PCF11: variants seen among roughly 807,000 people sequenced by gnomAD.
PCF11 encodes the protein PCF11 cleavage and polyadenylation factor subunit.
A neutral mutation model predicts 166.1 loss-of-function variants in PCF11; 19 were observed. The observed-to-expected ratio is 0.11, with a 90% CI of 0.08 to 0.17. PCF11 has a LOEUF of 0.17. PCF11 is among the 10% of genes least tolerant of loss of function. PCF11 has a pLI of 1.00. For missense variants in PCF11, 1,565 were observed against 1,855.5 expected (o/e 0.84, Z 2.88); for synonymous variants, 663 against 644.1 (o/e 1.03, Z -0.44).
At chr11:83,184,707 C>A in exon 16 of PCF11, 1 of 1,611,774 alleles carries the variant, frequency 6.2e-7, no homozygotes, top group Non-Finnish European at 8.5e-7. Flanking sequence ...ACACCATCTC[C>A]CAGCAAGACA....
At position 83,170,230 on chromosome 11, in the gene PCF11, C is replaced by A. The variant is rs75329612; in HGVS notation, c.3660+235C>A. ...ATCTAGGGAAATATCTCAATCAAAC[C>A]CCCACCTCCAGCTCTGTTTTTTCTT... On this transcript the variant is annotated intron_variant, in intron 8 of 15. Coordinates refer to ENST00000298281, the Ensembl canonical transcript of PCF11. 2.7e-3 allele frequency among the ~76,000 whole-genome samples: 415 copies of A among 152,196 alleles called. 1 individual carries two copies. The highest frequency in any genetic ancestry group is 9.5e-3 in the African/African-American group (396 of 41,536).
At chr11:83,169,589 C>T in exon 8 of PCF11, 1 of 1,613,918 alleles carries the variant, frequency 6.2e-7, no homozygotes, top group Non-Finnish European at 8.5e-7. Context: ...CAGGTTCAAC[C>T]CAGATTTGAC....
chr11:83,180,774 G>C (rs1197951805), intron 11 of PCF11: 4 of 315,002 alleles, frequency 1.3e-5, no homozygotes, highest in Non-Finnish European at 2.4e-5. Flanking sequence ...TAAATAACTG[G>C]GTCAGGGCTA....
chr11:83,168,779 G>T, exon 8 of PCF11: 1 of 1,613,896 alleles, frequency 6.2e-7, no homozygotes, highest in Non-Finnish European at 8.5e-7. Context: ...CAGCTAGGAG[G>T]TGGGTGTCCT....
At chr11:83,179,421 T>C (rs1475141701) in intron 11 of PCF11, among the ~76,000 whole-genome samples, 2 of 152,010 alleles carry the variant, frequency 1.3e-5, no homozygotes, top group Admixed American at 1.3e-4. Context: ...AGCTAATTTT[T>C]GTATTTTTAG....
chr11:83,166,822 C>A, intron 5 of PCF11, 108 bp downstream of exon 5: 1 of 913,846 alleles, frequency 1.1e-6, no homozygotes, highest in Non-Finnish European at 1.7e-6. Flanking sequence ...TACTTTTTTT[C>A]CATCTAATTC....
intron 11 of PCF11, 119 bp from the exon 12 acceptor site, chr11:83,180,889 T>G (rs1861063586): frequency 7.2e-6 from 4 of 557,288 alleles, no homozygotes; most frequent in Non-Finnish European, 1.3e-5. Flanking sequence ...ATTAACTGTT[T>G]CAGCCAGCTC....
chr11:83,166,345 G>C, exon 5 of PCF11: 1 of 1,613,858 alleles, frequency 6.2e-7, no homozygotes, highest in Non-Finnish European at 8.5e-7. Context: ...TCAAGATCTC[G>C]ATCACCCAAG....
At position 83,182,386 on chromosome 11, in the gene PCF11, G is replaced by T; in HGVS notation, c.4324-13G>T. The T allele has an allele frequency of 1.5e-6, 2 of 1,329,492 alleles. No homozygotes were observed. The highest frequency in any genetic ancestry group is 2.4e-5 in the South Asian group (2 of 81,984). The allele number at this position is 1,329,492 out of a possible 1,614,324, so 82.4% of individuals were successfully genotyped here. A position where few individuals can be genotyped will look rare whatever the true frequency, so the allele number is the denominator to read the frequency against. On this transcript the variant is annotated splice_polypyrimidine_tract_variant and intron_variant, in intron 13 of 15. Coordinates refer to ENST00000298281, the Ensembl canonical transcript of PCF11. ...CTATTATGTAAATTTCATTTTATATGATTCTATTTTAGAGTTGTGAAATCT... is the reference window on the plus strand; with the variant it reads ...CTATTATGTAAATTTCATTTTATATTATTCTATTTTAGAGTTGTGAAATCT...
intron 1 of PCF11, chr11:83,158,593 C>G (rs536634000): frequency 2.0e-5 from 3 of 152,298 alleles, no homozygotes; most frequent in South Asian, 4.1e-4. Context: ...AGTTACTGTT[C>G]AACTTAGTTA....
chr11:83,166,259 A>G lies in PCF11; in HGVS notation c.1362A>G (p.Val454=), dbSNP rs375754394. Residue 454 remains valine (V), a synonymous_variant, in exon 5 of 16, where the codon GTA becomes GTG. Coordinates refer to ENST00000298281, the Ensembl canonical transcript of PCF11. ...GAAATAAAATCATAAATGGCATTGT[A>G]CAAAAACAGGATACAATAACAGAAG... 79 of 1,613,482 alleles carry G rather than the reference A, an allele frequency of 4.9e-5. No homozygotes were observed. The African/African-American group carries it at 9.2e-4, about 19-fold the overall frequency.
exon 16 of PCF11, chr11:83,186,476 A>G (rs1861295855): frequency 6.6e-6 from 1 of 152,248 alleles, no homozygotes; most frequent in Non-Finnish European, 1.5e-5. Flanking sequence ...GGCTCAAGTG[A>G]TCCTACTGCC....
intron 1 of PCF11, 75 bp downstream of exon 1, chr11:83,157,706 G>C: frequency 1.5e-6 from 2 of 1,341,716 alleles, no homozygotes; most frequent in Non-Finnish European, 2.1e-6. Context: ...CCCAGGTCTC[G>C]CTTCCATCCC....
chr11:83,181,940 C>G (rs1861100566), exon 13 of PCF11: 3 of 1,612,394 alleles, frequency 1.9e-6, no homozygotes, highest in Admixed American at 1.7e-5. Context: ...AAGTTGTGCT[C>G]AAAACTCAAG....
At chr11:83,161,646 G>T (rs1469685963) in intron 2 of PCF11, among the ~76,000 whole-genome samples, 194 bp downstream of exon 2, 1 of 152,044 alleles carries the variant, frequency 6.6e-6, no homozygotes, top group Admixed American at 6.5e-5. Context: ...GATTCTAGGG[G>T]TTTACATTAT....
In PCF11 at chr11:83,160,321, G is replaced by GTTTTTTTTTTTTTTTTTTTTTT. The variant is rs35201107; in HGVS notation, c.193-1005_193-984dup. Among the ~76,000 whole-genome samples the GTTTTTTTTTTTTTTTTTTTTTT allele has an allele frequency of 9.9e-5, 9 of 91,266 alleles. 1 individual carries two copies. Among genetic ancestry groups the GTTTTTTTTTTTTTTTTTTTTTT allele is most frequent in the African/African-American group, 1.3e-4 (3 of 23,404 alleles). 59.9% of individuals were successfully genotyped at this position (91,266 alleles called of 152,430 possible). On this transcript the variant is annotated intron_variant, in intron 1 of 15. Coordinates refer to ENST00000298281, the Ensembl canonical transcript of PCF11. ...GGGTGGGTAAATGGGGATAACCTAA[G>GTTTTTTTTTTTTTTTTTTTTTT]TTTTTTTTTTTTTTTTTTTTTTGTC... is the stretch of plus-strand genomic sequence containing the variant.
chr11:83,181,256 T>G (rs1445305572), intron 12 of PCF11, 65 bp downstream of exon 12: 4 of 517,198 alleles, frequency 7.7e-6, no homozygotes, highest in Non-Finnish European at 8.9e-6. Flanking sequence ...AAAAGTATAT[T>G]AATTTTAATA....
chr11:83,170,116 C>A, intron 8 of PCF11, 121 bp downstream of exon 8: 1 of 804,930 alleles, frequency 1.2e-6, no homozygotes, highest in Non-Finnish European at 1.8e-6. Flanking sequence ...TTAATGTACT[C>A]TAAAGCCACA....
At chr11:83,180,940 T>C (rs1439601956) in intron 11 of PCF11, 68 bp from the exon 12 acceptor site, 41 of 823,640 alleles carry the variant, frequency 5.0e-5, no homozygotes, top group Non-Finnish European at 7.3e-5. Flanking sequence ...TTGAAATATT[T>C]GTAATTGGCT....
Sources: allele counts gnomAD v4.1 joint callset (sites outside exome capture counted in the v4.1 genomes callset), GRCh38; gene constraint gnomAD v4.1.1; transcripts MANE v1.5; gene names NCBI Gene and HGNC (gene_info 2026-07-23, HGNC 2026-07-21).